The following KDM7A variants were observed in gnomAD, a reference collection of about 807,000 sequenced individuals.
KDM7A encodes lysine demethylase 7A, also known as lysine-specific demethylase 7A.
Under a neutral mutation model 114.8 loss-of-function variants are expected in KDM7A, and 28 were observed. The ratio of observed to expected loss-of-function variants is 0.24; its 90% CI spans 0.18 to 0.33. KDM7A has a LOEUF of 0.33. KDM7A is among the 10% of genes least tolerant of loss of function. The pLI is 1.00. For synonymous variants in KDM7A, 423 were observed against 397.8 expected (o/e 1.06, Z -0.75); for missense variants, 942 against 1,142.5 (o/e 0.82, Z 2.53).
rs764483233 is a variant in KDM7A at position 140,129,579 on chromosome 7, A to G, written c.473T>C (p.Val158Ala). The change falls in exon 4 of 20, where the codon GTC becomes GCC. Residue 158 changes from valine (V) to alanine (A), a missense_variant. Coordinates refer to ENST00000397560, the MANE Select transcript of KDM7A (RefSeq NM_030647.2). ...QRYLEKHGFD[V>A]PIMVPKLDDL... ...ATCTAATTTTGGGACCATAATAGGG[A>G]CATCAAATCCATGTTTCTCCAGATA... 1 of 1,611,174 alleles carries G rather than the reference A, an allele frequency of 6.2e-7. No individual in the cohort carries two copies. The highest frequency in any genetic ancestry group is 8.5e-7 in the Non-Finnish European group (1 of 1,177,390).
At chr7:140,148,940 G>A (rs1394537019) in intron 1 of KDM7A, among the ~76,000 whole-genome samples, 3 of 152,162 alleles carry the variant, frequency 2.0e-5, no homozygotes, top group African/African-American at 7.2e-5. Context: ...TAAGGGGTCT[G>A]AAGTAAATGC....
intron 1 of KDM7A, among the ~76,000 whole-genome samples, chr7:140,162,376 C>T (rs1794530298): frequency 6.6e-6 from 1 of 151,774 alleles, no homozygotes; most frequent in African/African-American, 2.4e-5. Context: ...AAACAGGAGT[C>T]CATATTAGAT....
intron 15 of KDM7A, 74 bp downstream of exon 15, chr7:140,097,471 T>G (rs542900052): frequency 2.5e-6 from 2 of 809,204 alleles, no homozygotes; most frequent in South Asian, 3.2e-5. Flanking sequence ...GTCATTTGCC[T>G]TGCTTCCAGG....
Position 140,098,555 on chromosome 7 carries a change from A to G in KDM7A, c.1918+324T>C, listed in dbSNP as rs10278885. Among the ~76,000 whole-genome samples the G allele has an allele frequency of 1.6e-3, 246 of 152,320 alleles. 3 individuals carry two copies. The highest frequency in any genetic ancestry group is 5.6e-3 in the African/African-American group (234 of 41,566). ...CTGAACTTACATATAAAATTAAACG[A>G]AACTTGAAACTTTTATTTTGGGGAG... On this transcript the variant is annotated intron_variant, in intron 14 of 19. Transcript: ENST00000397560.
intron 1 of KDM7A, among the ~76,000 whole-genome samples, chr7:140,175,163 A>G (rs529683910): frequency 2.6e-5 from 4 of 152,244 alleles, no homozygotes; most frequent in Non-Finnish European, 4.4e-5. Flanking sequence ...GTGATAATTT[A>G]CTGTGTCTTG....
rs931837912 is a variant in KDM7A at position 140,088,082 on chromosome 7, A to T, written c.*3012T>A. ...GAAAAGGCAATAATTAGGATTATTT[A>T]AAAATAGAAAAGTATTCAAGCTAAG... On this transcript the variant is annotated 3_prime_UTR_variant, in exon 20 of 20. Coordinates refer to ENST00000397560, the MANE Select transcript of KDM7A (RefSeq NM_030647.2). 1.3e-5 allele frequency: 2 copies of T among 154,612 alleles called. No homozygotes were observed. Among genetic ancestry groups the T allele is most frequent in the African/African-American group, 4.8e-5 (2 of 41,556 alleles). 9.6% of individuals were successfully genotyped at this position (154,612 alleles called of 1,614,324 possible).
At chr7:140,107,756 T>A (rs1818364119) in intron 11 of KDM7A, among the ~76,000 whole-genome samples, 1 of 152,164 alleles carries the variant, frequency 6.6e-6, no homozygotes. Flanking sequence ...TGTCTTGGAG[T>A]TGCTCTTCTC....
At chr7:140,153,706 A>G (rs1200059389) in intron 1 of KDM7A, among the ~76,000 whole-genome samples, 2 of 152,234 alleles carry the variant, frequency 1.3e-5, no homozygotes, top group African/African-American at 4.8e-5. Flanking sequence ...GCCATTTAGC[A>G]TGCCTTCACT....
intron 6 of KDM7A, among the ~76,000 whole-genome samples, chr7:140,125,023 A>G (rs1309213820): frequency 2.0e-5 from 3 of 152,188 alleles, no homozygotes; most frequent in Non-Finnish European, 2.9e-5. Context: ...TTGAAGAAAT[A>G]GCTGCAAGAC....
At chr7:140,095,743 GT>G in intron 17 of KDM7A, 1 of 197,778 alleles carries the variant, frequency 5.1e-6, no homozygotes, top group South Asian at 5.4e-5. Flanking sequence ...GCCAGGTGTG[GT>G]GACATGCATC....
chr7:140,103,558 G>A (rs578217060), intron 11 of KDM7A, among the ~76,000 whole-genome samples: 88 of 151,872 alleles, frequency 5.8e-4, no homozygotes, highest in Middle Eastern at 6.8e-3. Context: ...GAGAACATGC[G>A]GTGTTTGGTT....
intron 3 of KDM7A, among the ~76,000 whole-genome samples, chr7:140,130,295 G>C (rs1337809217): frequency 2.6e-5 from 4 of 152,036 alleles, no homozygotes; most frequent in African/African-American, 9.7e-5. Context: ...TAGAAATTTG[G>C]GAGAGCAAAA....
chr7:140,168,015 T>C (rs948206162), intron 1 of KDM7A, among the ~76,000 whole-genome samples: 1 of 152,176 alleles, frequency 6.6e-6, no homozygotes, highest in African/African-American at 2.4e-5. Context: ...AAACAAATGT[T>C]CAAACTCATT....
rs555622586 is a variant in KDM7A at position 140,110,652 on chromosome 7, A to C, written c.1428+443T>G. Among the ~76,000 whole-genome samples the C allele has an allele frequency of 2.6e-5, 4 of 152,194 alleles. No individual in the cohort carries two copies. In the South Asian group the frequency reaches 8.3e-4, roughly 32 times the overall value. Reference sequence around the variant, plus strand: ...TCATCAGATTTTATGAGCTTTTATTAAAGGGCATTTACCTAAGCATCTCCT... The same window carrying C: ...TCATCAGATTTTATGAGCTTTTATTCAAGGGCATTTACCTAAGCATCTCCT... On this transcript the variant is annotated intron_variant, in intron 11 of 19. Transcript: ENST00000397560.
At chr7:140,110,007 A>C (rs964018341) in intron 11 of KDM7A, among the ~76,000 whole-genome samples, 1 of 152,210 alleles carries the variant, frequency 6.6e-6, no homozygotes, top group African/African-American at 2.4e-5. Context: ...ATTTCAGGTC[A>C]TAACAAATAT....
chr7:140,149,569 ACT>A (rs1200674152), intron 1 of KDM7A, among the ~76,000 whole-genome samples: 2 of 152,302 alleles, frequency 1.3e-5, no homozygotes, highest in East Asian at 1.9e-4. Context: ...TCAAGTTAAT[ACT>A]CTCTTATTCC....
At chr7:140,109,542 G>A (rs757412504) in intron 11 of KDM7A, among the ~76,000 whole-genome samples, 6 of 152,146 alleles carry the variant, frequency 3.9e-5, no homozygotes, top group Admixed American at 6.5e-5. Context: ...TGCTATAAAC[G>A]TAGGTGTACA....
At chr7:140,102,183 A>C in intron 11 of KDM7A, 23 bp from the exon 12 acceptor site, 1 of 1,555,306 alleles carries the variant, frequency 6.4e-7, no homozygotes, top group Non-Finnish European at 8.9e-7. Flanking sequence ...AAATCAGAGT[A>C]TTTTTATAAG....
Position 140,160,367 on chromosome 7 carries a change from A to C in KDM7A, c.194+16377T>G, listed in dbSNP as rs562707094. ...TCCTAACGTTACTTGAAGTCCTAAG[A>C]AGCTTGTATCAGGGTCTTTCTTTGT... On this transcript the variant is annotated intron_variant, in intron 1 of 19. Transcript: ENST00000397560. Among the ~76,000 whole-genome samples, 4 of 152,282 alleles carry C rather than the reference A, an allele frequency of 2.6e-5. No individual in the cohort carries two copies. The South Asian group carries it at 8.3e-4, about 32-fold the overall frequency.
Sources: allele counts gnomAD v4.1 joint callset (sites outside exome capture counted in the v4.1 genomes callset), GRCh38; gene constraint gnomAD v4.1.1; transcripts MANE v1.5; gene names NCBI Gene and HGNC (gene_info 2026-07-23, HGNC 2026-07-21).